Variants in LHFPL6 observed in about 807,000 individuals in gnomAD.
LHFPL6 encodes LHFPL tetraspan subfamily member 6.
LHFPL6 carries 9 observed loss-of-function variants against 20.6 expected under a neutral mutation model. The observed-to-expected ratio is 0.44, with a 90% CI of 0.26 to 0.76. The LOEUF is 0.76. Ranked by LOEUF, LHFPL6 falls within the 30% of genes least tolerant of loss-of-function variation. The pLI is 0.20. For synonymous variants in LHFPL6, 105 were observed against 98.7 expected (o/e 1.06, Z -0.38); for missense variants, 218 against 253.5 (o/e 0.86, Z 0.95).
At chr13:39,393,730 G>A (rs1214369261) in intron 2 of LHFPL6, among the ~76,000 whole-genome samples, 1 of 152,120 alleles carries the variant, frequency 6.6e-6, no homozygotes, top group African/African-American at 2.4e-5. Context: ...AGACTGGGTG[G>A]CTCAAACATT....
At chr13:39,453,998 T>C (rs1297094430) in intron 2 of LHFPL6, among the ~76,000 whole-genome samples, 1 of 141,042 alleles carries the variant, frequency 7.1e-6, no homozygotes, top group Non-Finnish European at 1.6e-5. Flanking sequence ...TGAGTTCTTT[T>C]ATTGCATCCC....
chr13:39,572,323 T>A (rs1871948027), intron 2 of LHFPL6, among the ~76,000 whole-genome samples: 1 of 148,702 alleles, frequency 6.7e-6, no homozygotes, highest in African/African-American at 2.6e-5. Flanking sequence ...TGTGTGTGTG[T>A]GTGTGTGACA....
At chr13:39,550,723 A>G (rs1167688179) in intron 2 of LHFPL6, among the ~76,000 whole-genome samples, 1 of 152,176 alleles carries the variant, frequency 6.6e-6, no homozygotes, top group Non-Finnish European at 1.5e-5. Context: ...GGCTTTATGA[A>G]TAAGAGAAAT....
At chr13:39,449,262 G>A (rs1387832460) in intron 2 of LHFPL6, among the ~76,000 whole-genome samples, 1 of 152,152 alleles carries the variant, frequency 6.6e-6, no homozygotes, top group Non-Finnish European at 1.5e-5. Context: ...TGTGTAAAAT[G>A]TACTTAAATG....
At chr13:39,537,980 C>G (rs951966677) in intron 2 of LHFPL6, among the ~76,000 whole-genome samples, 3 of 33,658 alleles carry the variant, frequency 8.9e-5, no homozygotes, top group Non-Finnish European at 2.4e-4. Flanking sequence ...ATTTTTCTTT[C>G]TTTCTTTCTT....
chr13:39,447,705 G>A (rs1429348297), intron 2 of LHFPL6, among the ~76,000 whole-genome samples: 1 of 152,132 alleles, frequency 6.6e-6, no homozygotes, highest in African/African-American at 2.4e-5. Context: ...GTCACTCAAC[G>A]GTTGAGTTCT....
chr13:39,467,788 C>T (rs184570984), intron 2 of LHFPL6, among the ~76,000 whole-genome samples: 1 of 152,302 alleles, frequency 6.6e-6, no homozygotes. Flanking sequence ...ACATTTGGCT[C>T]ATTCACTCCC....
intron 2 of LHFPL6, among the ~76,000 whole-genome samples, chr13:39,455,802 T>C (rs1235089430): frequency 6.6e-6 from 1 of 152,200 alleles, no homozygotes; most frequent in African/African-American, 2.4e-5. Flanking sequence ...TTGTTTTTTC[T>C]AACCACATTA....
At chr13:39,390,076 A>G (rs1318808144) in intron 2 of LHFPL6, among the ~76,000 whole-genome samples, 2 of 152,202 alleles carry the variant, frequency 1.3e-5, no homozygotes, top group Non-Finnish European at 2.9e-5. Context: ...ATAAGAAATA[A>G]TTCCTCTTCT....
At chr13:39,551,830 T>C (rs1035611742) in intron 2 of LHFPL6, among the ~76,000 whole-genome samples, 2 of 152,222 alleles carry the variant, frequency 1.3e-5, no homozygotes, top group African/African-American at 4.8e-5. Context: ...CCTCACTCAA[T>C]TCTTCAAAGT....
chr13:39,562,317 C>A (rs1407159517), intron 2 of LHFPL6, among the ~76,000 whole-genome samples: 1 of 149,312 alleles, frequency 6.7e-6, no homozygotes, highest in Admixed American at 6.8e-5. Context: ...GTGAGAAGAA[C>A]CATGTTCTGA....
Position 39,458,164 on chromosome 13 carries a change from C to T in LHFPL6, c.386-79638G>A, listed in dbSNP as rs759642302. Among the ~76,000 whole-genome samples the T allele has an allele frequency of 1.4e-4, 21 of 151,258 alleles. No individual in the cohort carries two copies. In the Middle Eastern group the frequency reaches 0.014, roughly 99 times the overall value. On this transcript the variant is annotated intron_variant, in intron 2 of 3. Transcript: ENST00000379589. ...TGCCTTTAGTAAACCTTGAAGAAGGCGAGAGAAAAGGATGGGAGGGGAAAA... is the reference window on the plus strand; with the variant it reads ...TGCCTTTAGTAAACCTTGAAGAAGGTGAGAGAAAAGGATGGGAGGGGAAAA...
intron 2 of LHFPL6, among the ~76,000 whole-genome samples, chr13:39,390,017 C>T (rs1452358444): frequency 6.6e-6 from 1 of 152,140 alleles, no homozygotes; most frequent in Non-Finnish European, 1.5e-5. Context: ...CCAACAGACT[C>T]CCAACTACCT....
intron 1 of LHFPL6, among the ~76,000 whole-genome samples, chr13:39,601,642 C>T (rs926349570): frequency 1.2e-4 from 19 of 152,178 alleles, no homozygotes; most frequent in African/African-American, 3.4e-4. Context: ...AAGAAACGCC[C>T]GATTTTTATT....
chr13:39,410,283 T>C (rs1258373684), intron 2 of LHFPL6, among the ~76,000 whole-genome samples: 1 of 152,228 alleles, frequency 6.6e-6, no homozygotes, highest in Non-Finnish European at 1.5e-5. Flanking sequence ...GGCAACTGCT[T>C]TGTCCTCAGC....
intron 2 of LHFPL6, among the ~76,000 whole-genome samples, chr13:39,415,681 T>TA (rs1871330423): frequency 6.6e-6 from 1 of 152,222 alleles, no homozygotes; most frequent in African/African-American, 2.4e-5. Context: ...GTCTGGCTCA[T>TA]AGTTTTGCAG....
In LHFPL6 at chr13:39,596,264, T is replaced by A. The variant is rs1218106547; in HGVS notation, c.385+4568A>T. Among the ~76,000 whole-genome samples, 7 of 152,274 alleles carry A rather than the reference T, an allele frequency of 4.6e-5. No individual in the cohort carries two copies. The East Asian group carries it at 1.2e-3, about 25-fold the overall frequency. ...AAACTACAGCAGCAGACCCCCTTTA[T>A]AGCTCAATTTTAGAGAGGTTTATAG... is the stretch of plus-strand genomic sequence containing the variant. On this transcript the variant is annotated intron_variant, in intron 2 of 3. Coordinates refer to ENST00000379589, the MANE Select transcript of LHFPL6 (RefSeq NM_005780.3).
intron 2 of LHFPL6, among the ~76,000 whole-genome samples, chr13:39,431,213 G>A (rs1181808883): frequency 6.7e-6 from 1 of 149,450 alleles, no homozygotes; most frequent in African/African-American, 2.5e-5. Flanking sequence ...ACAAACTCCG[G>A]GCACACCATC....
intron 2 of LHFPL6, among the ~76,000 whole-genome samples, chr13:39,533,880 T>C (rs1018254605): frequency 1.3e-5 from 2 of 152,118 alleles, no homozygotes; most frequent in African/African-American, 4.8e-5. Flanking sequence ...CGTATTTGAA[T>C]GGTGGGTGGG....
Sources: gnomAD v4.1 joint callset for allele counts (sites outside exome capture counted in the v4.1 genomes callset) on GRCh38, gnomAD v4.1.1 for gene constraint, MANE v1.5 for transcripts, NCBI Gene and HGNC (gene_info 2026-07-23, HGNC 2026-07-21) for gene names.